SOX5: variants seen among roughly 807,000 people sequenced by gnomAD.
SOX5 encodes transcription factor SOX-5.
A neutral mutation model predicts 92.0 loss-of-function variants in SOX5; 9 were observed. The observed-to-expected ratio is 0.10, with a 90% CI of 0.06 to 0.17. SOX5 has a LOEUF of 0.17. SOX5 is among the 10% of genes least tolerant of loss of function. The pLI, the probability that SOX5 is intolerant of heterozygous loss-of-function variation, is 1.00. For synonymous variants in SOX5, 344 were observed against 336.3 expected, an observed-to-expected ratio of 1.02 and a Z score of -0.25; for missense variants, 642 against 944.5, an observed-to-expected ratio of 0.68 and a Z score of 4.20.
At chr12:24,424,487 C>G (rs1389551581) in intron 1 of SOX5, among the ~76,000 whole-genome samples, 4 of 152,018 alleles carry the variant, frequency 2.6e-5, no homozygotes, top group Non-Finnish European at 5.9e-5. Flanking sequence ...TAAACAAGCA[C>G]TTTTCCCCCG....
rs566200081 is a variant in SOX5, at chr12:23,652,382, C to T, written c.932-11485G>A. On this transcript the variant is annotated intron_variant, in intron 7 of 14. Transcript: ENST00000451604. ...TTCCTTAAATATTGGTATTCCTTGG[C>T]GTCTAATCCTTGGCACTTGGTTCTT... 1.6e-4 allele frequency among the ~76,000 whole-genome samples: 25 copies of T among 152,058 alleles called. No individual in the cohort carries two copies. In the South Asian group the frequency reaches 1.7e-3, roughly 10 times the overall value.
intron 3 of SOX5, among the ~76,000 whole-genome samples, chr12:24,222,493 T>C (rs896879111): frequency 2.6e-5 from 4 of 152,118 alleles, no homozygotes; most frequent in Non-Finnish European, 5.9e-5. Flanking sequence ...AGGATGGAAT[T>C]ACTATTCGCT....
At chr12:24,353,357 C>T (rs537030542) in intron 2 of SOX5, among the ~76,000 whole-genome samples, 1 of 152,252 alleles carries the variant, frequency 6.6e-6, no homozygotes, top group African/African-American at 2.4e-5. Flanking sequence ...GGCCTCTTCT[C>T]TACTCATATT....
chr12:23,763,239 G>C (rs909557849), intron 3 of SOX5, among the ~76,000 whole-genome samples: 2 of 152,154 alleles, frequency 1.3e-5, no homozygotes, highest in Non-Finnish European at 2.9e-5. Flanking sequence ...CTTGTTGTGA[G>C]AAGTAAATGA....
intron 1 of SOX5, among the ~76,000 whole-genome samples, chr12:24,550,065 T>A (rs1953006709): frequency 6.6e-6 from 1 of 152,228 alleles, no homozygotes; most frequent in South Asian, 2.1e-4. Context: ...TGGGTTCAAG[T>A]TTCAGCTATG....
At chr12:23,576,967 G>A (rs891298275) in intron 9 of SOX5, among the ~76,000 whole-genome samples, 1 of 150,936 alleles carries the variant, frequency 6.6e-6, no homozygotes, top group Admixed American at 6.6e-5. Flanking sequence ...CCAATAACAG[G>A]ATTTGTTGAA....
At chr12:24,062,666 G>C (rs1048090757) in intron 4 of SOX5, among the ~76,000 whole-genome samples, 2 of 152,206 alleles carry the variant, frequency 1.3e-5, no homozygotes, top group African/African-American at 4.8e-5. Flanking sequence ...GCCACCCACA[G>C]AAAATTCTGC....
At chr12:24,080,235 A>C (rs111389109) in intron 4 of SOX5, among the ~76,000 whole-genome samples, 24 of 152,104 alleles carry the variant, frequency 1.6e-4, no homozygotes, top group African/African-American at 5.3e-4. Context: ...TTTAGTCAGA[A>C]ACAGTATTAA....
intron 6 of SOX5, among the ~76,000 whole-genome samples, chr12:23,676,911 T>G (rs10842208): frequency 0.37 from 56,860 of 152,016 alleles, 11,238 homozygotes; most frequent in East Asian, 0.53. Context: ...AGTAAGGGCA[T>G]AGCTAACTCA....
intron 4 of SOX5, among the ~76,000 whole-genome samples, chr12:24,055,553 G>A (rs1958008241): frequency 6.6e-6 from 1 of 152,218 alleles, no homozygotes. Flanking sequence ...TATGAACCAG[G>A]AACAACATGT....
At chr12:24,492,593 G>T (rs1024395387) in intron 1 of SOX5, among the ~76,000 whole-genome samples, 8 of 152,156 alleles carry the variant, frequency 5.3e-5, no homozygotes, top group Non-Finnish European at 8.8e-5. Context: ...ATCCCCTCAA[G>T]TATTAATAGA....
At chr12:23,868,438 C>G (rs1174989311) in intron 2 of SOX5, among the ~76,000 whole-genome samples, 2 of 152,072 alleles carry the variant, frequency 1.3e-5, no homozygotes, top group African/African-American at 4.8e-5. Flanking sequence ...AGAAAAGTAG[C>G]AATATAGGTA....
At chr12:24,413,128 C>G (rs1006328611) in intron 1 of SOX5, among the ~76,000 whole-genome samples, 5 of 152,154 alleles carry the variant, frequency 3.3e-5, no homozygotes, top group Non-Finnish European at 7.4e-5. Context: ...AGTTTTTTTA[C>G]AAAGTGATTA....
At chr12:23,535,787 AACTT>A (rs776911804) in intron 14 of SOX5, among the ~76,000 whole-genome samples, 1 of 152,208 alleles carries the variant, frequency 6.6e-6, no homozygotes, top group Non-Finnish European at 1.5e-5. Context: ...CTTAGAAACT[AACTT>A]CTGTTTCAAA....
chr12:23,679,919 A>G (rs1250064198), intron 6 of SOX5, among the ~76,000 whole-genome samples: 2 of 151,938 alleles, frequency 1.3e-5, no homozygotes, highest in African/African-American at 4.8e-5. Context: ...TAATATGCTT[A>G]AAATATTTGC....
chr12:24,474,801 G>T lies in SOX5; in HGVS notation c.-251+87528C>A, dbSNP rs550684541. Among the ~76,000 whole-genome samples, 24 of 151,968 alleles carry T rather than the reference G, an allele frequency of 1.6e-4. 1 individual carries two copies. Among genetic ancestry groups the T allele is most frequent in the South Asian group, 1.2e-3 (6 of 4,808 alleles). ...TCCACCCGCCTCAGCCTCCCAAAGT[G>T]CTAGGATTACAGGCATGAGCCACCA... On this transcript the variant is annotated intron_variant, in intron 1 of 4. Transcript: ENST00000446891.
intron 7 of SOX5, among the ~76,000 whole-genome samples, chr12:23,657,482 C>T (rs2082457057): frequency 6.6e-6 from 1 of 152,088 alleles, no homozygotes; most frequent in South Asian, 2.1e-4. Flanking sequence ...TATTTTTCTT[C>T]TTCCATACTT....
At chr12:24,286,242 A>G (rs1945848604) in intron 2 of SOX5, among the ~76,000 whole-genome samples, 1 of 152,232 alleles carries the variant, frequency 6.6e-6, no homozygotes, top group African/African-American at 2.4e-5. Context: ...AATGTAGGTA[A>G]AACTAACACC....
chr12:24,402,136 T>A (rs566086764), intron 1 of SOX5, among the ~76,000 whole-genome samples: 99 of 152,104 alleles, frequency 6.5e-4, no homozygotes, highest in African/African-American at 2.3e-3. Flanking sequence ...CTTGAAAAAA[T>A]TAAAATTATA....
Sources: gnomAD v4.1 joint callset for allele counts (sites outside exome capture counted in the v4.1 genomes callset) on GRCh38, gnomAD v4.1.1 for gene constraint, MANE v1.5 for transcripts, NCBI Gene and HGNC (gene_info 2026-07-23, HGNC 2026-07-21) for gene names.